PDE10A: variants seen among roughly 807,000 people sequenced by gnomAD.
PDE10A encodes the protein phosphodiesterase 10A, also known as cAMP and cAMP-inhibited cGMP 3',5'-cyclic phosphodiesterase 10A.
PDE10A carries 39 observed loss-of-function variants against 97.7 expected under a neutral mutation model. That is an observed-to-expected ratio of 0.40 (90% CI 0.31 to 0.52). The LOEUF is 0.52. Ranked by LOEUF, PDE10A falls within the 20% of genes least tolerant of loss-of-function variation. The pLI is 0.56. For missense variants in PDE10A, 731 were observed against 1,047.8 expected, an observed-to-expected ratio of 0.70 and a Z score of 4.17; for synonymous variants, 371 against 376.8, an observed-to-expected ratio of 0.98 and a Z score of 0.18.
At chr6:165,742,807 C>G (rs1033261520) in intron 1 of PDE10A, among the ~76,000 whole-genome samples, 2 of 151,306 alleles carry the variant, frequency 1.3e-5, no homozygotes, top group African/African-American at 4.9e-5. Context: ...CGTCCCACTG[C>G]TGAGGGAGGG....
intron 2 of PDE10A, among the ~76,000 whole-genome samples, chr6:165,517,889 T>C (rs558334615): frequency 2.0e-5 from 3 of 152,356 alleles, no homozygotes; most frequent in African/African-American, 4.8e-5. Flanking sequence ...TTTTAATATA[T>C]ACAGCTATCA....
intron 1 of PDE10A, among the ~76,000 whole-genome samples, chr6:165,753,738 A>T (rs1015994657): frequency 6.6e-6 from 1 of 152,250 alleles, no homozygotes; most frequent in African/African-American, 2.4e-5. Flanking sequence ...TCACAGAAGT[A>T]AAGAATTCCT....
chr6:165,720,637 C>A (rs930986774), intron 1 of PDE10A, among the ~76,000 whole-genome samples: 8 of 152,182 alleles, frequency 5.3e-5, no homozygotes, highest in Admixed American at 2.6e-4. Context: ...GAAATTAGCA[C>A]CCATCGATCT....
chr6:165,592,968 T>A (rs1436938264), intron 1 of PDE10A, among the ~76,000 whole-genome samples: 5 of 152,218 alleles, frequency 3.3e-5, no homozygotes, highest in Admixed American at 3.3e-4. Flanking sequence ...CAAAGGATTA[T>A]AAATCATGCT....
chr6:165,336,755 CAAAAAAAAAAAAAA>C (rs776243789), intron 20 of PDE10A, among the ~76,000 whole-genome samples: 3 of 50,480 alleles, frequency 5.9e-5, no homozygotes, highest in Non-Finnish European at 1.2e-4. Flanking sequence ...GACTCCGTCT[CAAAAAAAAAAAAAA>C]AAAAAAAAAA....
At chr6:165,529,058 T>C (rs897078678) in intron 2 of PDE10A, among the ~76,000 whole-genome samples, 5 of 152,164 alleles carry the variant, frequency 3.3e-5, no homozygotes, top group Non-Finnish European at 5.9e-5. Flanking sequence ...CATTCTGCTC[T>C]CCTAGAGGTC....
At chr6:165,965,165 G>T (rs766841986) in intron 1 of PDE10A, among the ~76,000 whole-genome samples, 1 of 152,236 alleles carries the variant, frequency 6.6e-6, no homozygotes, top group Non-Finnish European at 1.5e-5. Context: ...AGTTGTCCAA[G>T]TGAGAGATGG....
intron 13 of PDE10A, among the ~76,000 whole-genome samples, chr6:165,405,950 T>A (rs774330927): frequency 2.6e-5 from 4 of 152,122 alleles, no homozygotes; most frequent in Non-Finnish European, 5.9e-5. Context: ...CCACCTAGGA[T>A]GTAGGGTCCA....
intron 1 of PDE10A, among the ~76,000 whole-genome samples, chr6:165,938,795 A>C (rs923692836): frequency 6.6e-6 from 1 of 152,188 alleles, no homozygotes; most frequent in Non-Finnish European, 1.5e-5. Flanking sequence ...ACATATAACC[A>C]GGTCGATGAC....
chr6:165,733,368 C>T (rs1303777678), intron 1 of PDE10A, among the ~76,000 whole-genome samples: 1 of 152,138 alleles, frequency 6.6e-6, no homozygotes, highest in African/African-American at 2.4e-5. Flanking sequence ...TCCTGCTGCC[C>T]TTGTGTAAAC....
intron 1 of PDE10A, among the ~76,000 whole-genome samples, chr6:165,758,272 C>A (rs1396677970): frequency 6.6e-6 from 1 of 152,108 alleles, no homozygotes; most frequent in Non-Finnish European, 1.5e-5. Flanking sequence ...ACCAGCCTGG[C>A]CAACATGGTG....
chr6:165,650,023 T>A (rs1789598039), intron 1 of PDE10A, among the ~76,000 whole-genome samples: 1 of 152,188 alleles, frequency 6.6e-6, no homozygotes, highest in South Asian at 2.1e-4. Flanking sequence ...GGGGTAGTGA[T>A]GCGTGCAATT....
At chr6:165,570,662 A>G (rs987884236) in intron 1 of PDE10A, among the ~76,000 whole-genome samples, 1 of 152,252 alleles carries the variant, frequency 6.6e-6, no homozygotes, top group South Asian at 2.1e-4. Context: ...CAGAAAATCA[A>G]TGCTATATAA....
chr6:165,667,522 A>G (rs1187596555), upstream of PDE10A, among the ~76,000 whole-genome samples: 7 of 152,132 alleles, frequency 4.6e-5, no homozygotes, highest in African/African-American at 1.7e-4. Context: ...TAATTTTTAA[A>G]TTGTAAATAA....
chr6:165,510,089 CT>C (rs531108179), intron 2 of PDE10A, among the ~76,000 whole-genome samples: 140 of 152,088 alleles, frequency 9.2e-4, no homozygotes, highest in African/African-American at 3.1e-3. Context: ...TTGATGCTCT[CT>C]GGCTAAGACA....
rs73250041 is a variant in PDE10A at position 165,552,988 on chromosome 6, G to A, written c.866-9420C>T. ...ATCCTACAGCAAGTACCTGAGCAAA[G>A]GACCCCTCCACTCATAGCCTGCTGT... On this transcript the variant is annotated intron_variant, in intron 1 of 21. Transcript: ENST00000539869. Among the ~76,000 whole-genome samples the A allele has an allele frequency of 5.0e-3, 760 of 152,190 alleles. 9 individuals are homozygous for A. Among genetic ancestry groups the A allele is most frequent in the African/African-American group, 0.018 (731 of 41,522 alleles).
chr6:165,430,225 G>C lies in PDE10A; in HGVS notation c.1601+62C>G, dbSNP rs999866195. 12 of 1,172,764 alleles carry C rather than the reference G, an allele frequency of 1.0e-5. No individual in the cohort carries two copies. The South Asian group carries it at 1.3e-4, about 13-fold the overall frequency. 72.6% of individuals were successfully genotyped at this position (1,172,764 alleles called of 1,614,324 possible). A position where few individuals can be genotyped will look rare whatever the true frequency, so the allele number is the denominator to read the frequency against. ...TAGACAATGGTCTATTTCTGCCACA[G>C]GCTGCCCTTAATTTAAACCATTGAT... On this transcript the variant is annotated intron_variant, in intron 9 of 21. Transcript: ENST00000539869.
At chr6:165,717,100 T>G (rs1792043408) in intron 1 of PDE10A, among the ~76,000 whole-genome samples, 2 of 152,226 alleles carry the variant, frequency 1.3e-5, no homozygotes, top group South Asian at 4.1e-4. Flanking sequence ...TATTTGTTTT[T>G]TATGTGACTG....
intron 1 of PDE10A, among the ~76,000 whole-genome samples, chr6:165,724,199 A>G (rs1792235101): frequency 6.6e-6 from 1 of 152,238 alleles, no homozygotes; most frequent in South Asian, 2.1e-4. Flanking sequence ...AAGTTTATTT[A>G]AACTCATAGA....
Sources: gnomAD v4.1 joint callset for allele counts (sites outside exome capture counted in the v4.1 genomes callset) on GRCh38, gnomAD v4.1.1 for gene constraint, MANE v1.5 for transcripts, NCBI Gene and HGNC (gene_info 2026-07-23, HGNC 2026-07-21) for gene names.